The following OSBPL8 variants were observed in gnomAD, a reference collection of about 807,000 sequenced individuals.
The protein encoded by OSBPL8 is oxysterol-binding protein-related protein 8.
In OSBPL8, 59 loss-of-function variants were observed where a neutral mutation model predicts 125.5. The ratio of observed to expected loss-of-function variants is 0.47; its 90% CI spans 0.38 to 0.58. The LOEUF (loss-of-function observed/expected upper bound fraction) is 0.58, where lower values mean the gene tolerates loss of function less well. OSBPL8 is among the 20% of genes least tolerant of loss of function. OSBPL8 has a pLI of 0.00. For missense variants in OSBPL8, 758 were observed against 1,047.8 expected (o/e 0.72, Z 3.82); for synonymous variants, 330 against 338.9 (o/e 0.97, Z 0.29).
At chr12:76,540,537 G>A (rs1018193896) in intron 1 of OSBPL8, among the ~76,000 whole-genome samples, 1 of 150,286 alleles carries the variant, frequency 6.7e-6, no homozygotes, top group Non-Finnish European at 1.5e-5. Flanking sequence ...TACAGAGAGA[G>A]AAATCTAGAA....
intron 1 of OSBPL8, among the ~76,000 whole-genome samples, chr12:76,488,332 A>G (rs1391223488): frequency 1.3e-5 from 2 of 152,238 alleles, no homozygotes; most frequent in African/African-American, 4.8e-5. Context: ...TTATATATAT[A>G]AGATACTCTT....
intron 21 of OSBPL8, 59 bp from the exon 22 acceptor site, chr12:76,358,870 T>A (rs1266353488): frequency 1.5e-5 from 19 of 1,261,838 alleles, no homozygotes; most frequent in South Asian, 4.8e-5. Context: ...AAAGACCAAC[T>A]GTGTACAATT....
chr12:76,393,486 G>A lies in OSBPL8; in HGVS notation c.758-734C>T, dbSNP rs534468587. ...AGCACTTTGGGAGGCCGAGGCAGGC[G>A]GATCACGAGGTCAGGAGATCGAGAC... On this transcript the variant is annotated intron_variant, in intron 9 of 23. Coordinates refer to ENST00000261183, the MANE Select transcript of OSBPL8 (RefSeq NM_020841.5). 1.9e-3 allele frequency among the ~76,000 whole-genome samples: 284 copies of A among 151,632 alleles called. 1 individual carries two copies. In the Middle Eastern group the frequency reaches 0.021, roughly 11 times the overall value.
chr12:76,483,779 A>G lies in OSBPL8; in HGVS notation c.42+3731T>C, dbSNP rs577244669. On this transcript the variant is annotated intron_variant, in intron 2 of 23. Coordinates refer to ENST00000261183, the MANE Select transcript of OSBPL8 (RefSeq NM_020841.5). ...AACTTCAGCCTCCCGACTTCAGACA[A>G]TTCTCATGTCTCAGCCTCCCGGGTA... Among the ~76,000 whole-genome samples the G allele has an allele frequency of 4.2e-5, 6 of 143,930 alleles. No homozygotes were observed. The South Asian group carries it at 1.3e-3, about 32-fold the overall frequency. The allele number at this position is 143,930 out of a possible 152,430, so 94.4% of individuals were successfully genotyped here.
intron 1 of OSBPL8, among the ~76,000 whole-genome samples, chr12:76,506,085 G>A (rs1236812523): frequency 6.6e-6 from 1 of 152,192 alleles, no homozygotes; most frequent in Non-Finnish European, 1.5e-5. Flanking sequence ...CTTTGAATAT[G>A]CAGCCAAAAG....
chr12:76,408,565 T>TAAA (rs1287599903), intron 5 of OSBPL8, among the ~76,000 whole-genome samples: 2 of 151,966 alleles, frequency 1.3e-5, no homozygotes, highest in Non-Finnish European at 2.9e-5. Context: ...CTCTTCACTT[T>TAAA]AAAGCAGTGC....
Position 76,378,517 on chromosome 12 carries a change from G to A in OSBPL8, c.1664C>T (p.Ala555Val). The A allele has an allele frequency of 1.2e-6, 2 of 1,605,776 alleles. No individual in the cohort carries two copies. The highest frequency in any genetic ancestry group is 1.7e-6 in the Non-Finnish European group (2 of 1,173,750). Reference sequence around the variant, plus strand: ...ACCTCTATTCAAGAAAGTTAACCGTGCTTCTCCCTCTAATATTGCAGATAA... The same window carrying A: ...ACCTCTATTCAAGAAAGTTAACCGTACTTCTCCCTCTAATATTGCAGATAA... ...NSLSAILEGEARLTFLNRGED... is the reference protein window; with the variant it reads ...NSLSAILEGEVRLTFLNRGED... The change falls in exon 16 of 24, where the codon GCA becomes GTA. Residue 555 changes from alanine to valine, a missense_variant. By Grantham distance (64) the Ala-to-Val change is moderately conservative. Transcript: ENST00000261183.
chr12:76,467,694 T>C lies in OSBPL8; in HGVS notation c.43-7799A>G, dbSNP rs74576404. Among the ~76,000 whole-genome samples the C allele has an allele frequency of 6.4e-4, 98 of 152,222 alleles. 2 individuals carry two copies. In the East Asian group the frequency reaches 0.015, roughly 24 times the overall value. ...TTTCACTTCCCATTAGTGCCCCCTA[T>C]GTCAGACCCACATCACCTCATGTGT... is the stretch of plus-strand genomic sequence containing the variant. On this transcript the variant is annotated intron_variant, in intron 2 of 23. Transcript: ENST00000261183.
intron 21 of OSBPL8, chr12:76,366,587 G>T (rs1433713546): frequency 1.1e-5 from 5 of 449,330 alleles, no homozygotes; most frequent in African/African-American, 6.1e-5. Flanking sequence ...CTAGCTTTGG[G>T]TTTAGTTTTT....
chr12:76,356,589 G>T, intron 23 of OSBPL8, 37 bp downstream of exon 23: 1 of 1,289,138 alleles, frequency 7.8e-7, no homozygotes, highest in Non-Finnish European at 1.1e-6. Flanking sequence ...ACTACTCCTT[G>T]GTCTCAAATG....
At position 76,354,971 on chromosome 12, in the gene OSBPL8, G is replaced by C. The variant is rs554281888; in HGVS notation, c.*918C>G. ...TTCTACTTATTCACTGAACACACTG[G>C]AGTCTAAAGCTAAAATAAGTTTTCA... is the stretch of plus-strand genomic sequence containing the variant. On this transcript the variant is annotated 3_prime_UTR_variant, in exon 24 of 24. Coordinates refer to ENST00000261183, the MANE Select transcript of OSBPL8 (RefSeq NM_020841.5). 6.6e-6 allele frequency: 1 copy of C among 151,944 alleles called. No individual in the cohort carries two copies. The highest frequency in any genetic ancestry group is 2.4e-5 in the African/African-American group (1 of 41,382). The allele number at this position is 151,944 out of a possible 1,614,324, so 9.4% of individuals were successfully genotyped here.
Position 76,390,581 on chromosome 12 carries a change from C to T in OSBPL8, c.1006G>A (p.Asp336Asn), listed in dbSNP as rs767524717. The T allele has an allele frequency of 6.2e-7, 1 of 1,613,728 alleles. No individual in the cohort carries two copies. The highest frequency in any genetic ancestry group is 8.5e-7 in the Non-Finnish European group (1 of 1,179,814). ...TTATCAGACTCATCATGTTCTTGATCATTTTCTTTATCAGATTTATCAGAA... is the reference window on the plus strand; with the variant it reads ...TTATCAGACTCATCATGTTCTTGATTATTTTCTTTATCAGATTTATCAGAA... ...MYSDKSDKEN[D>N]QEHDESDNEV... Residue 336 changes from aspartate (D) to asparagine (N), a missense_variant, in exon 11 of 24, where the codon GAT becomes AAT. Around this residue, in one of 3 missense-constraint regions of OSBPL8, gnomAD observed 572 missense variants for 762.0 expected, o/e 0.75. Coordinates refer to ENST00000261183, the MANE Select transcript of OSBPL8 (RefSeq NM_020841.5).
intron 22 of OSBPL8, among the ~76,000 whole-genome samples, chr12:76,358,436 C>A (rs1346186867): frequency 6.6e-6 from 1 of 151,962 alleles, no homozygotes; most frequent in Non-Finnish European, 1.5e-5. Flanking sequence ...CCCACCTCGG[C>A]GTCCCAAAGT....
intron 17 of OSBPL8, 32 bp downstream of exon 17, chr12:76,375,241 G>C (rs780682922): frequency 1.4e-6 from 2 of 1,408,594 alleles, no homozygotes; most frequent in South Asian, 2.4e-5. Context: ...CTCTCCTTTA[G>C]CTAGGTGATA....
intron 2 of OSBPL8, among the ~76,000 whole-genome samples, chr12:76,462,572 G>A (rs1003574809): frequency 1.3e-5 from 2 of 151,934 alleles, no homozygotes; most frequent in African/African-American, 4.8e-5. Flanking sequence ...CAAAAATCCT[G>A]CCCTTGGTAC....
chr12:76,526,255 T>A (rs538321153), intron 1 of OSBPL8, among the ~76,000 whole-genome samples: 9 of 152,242 alleles, frequency 5.9e-5, no homozygotes, highest in Non-Finnish European at 1.0e-4. Context: ...AAAGTTTCCA[T>A]TAATAGAAAA....
At chr12:76,544,658 T>C (rs904791056) in intron 1 of OSBPL8, among the ~76,000 whole-genome samples, 1 of 152,126 alleles carries the variant, frequency 6.6e-6, no homozygotes, top group Non-Finnish European at 1.5e-5. Context: ...AAACTTCAGA[T>C]TAAGAAATGT....
At chr12:76,396,697 T>A (rs1382635010) in intron 8 of OSBPL8, among the ~76,000 whole-genome samples, 2 of 152,090 alleles carry the variant, frequency 1.3e-5, no homozygotes, top group Non-Finnish European at 1.5e-5. Flanking sequence ...GAGGCTGCAG[T>A]GAGCAATGAT....
At chr12:76,441,888 A>C (rs367992724) in intron 4 of OSBPL8, among the ~76,000 whole-genome samples, 2 of 152,178 alleles carry the variant, frequency 1.3e-5, no homozygotes, top group East Asian at 3.8e-4. Context: ...TAACAGGGTG[A>C]CTATATTCAA....
Sources: gnomAD v4.1 joint callset for allele counts (sites outside exome capture counted in the v4.1 genomes callset) on GRCh38, gnomAD v4.1.1 for gene constraint, gnomAD v4.1.1 regional missense constraint, MANE v1.5 for transcripts, NCBI Gene and HGNC (gene_info 2026-07-23, HGNC 2026-07-21) for gene names.